The following SMAP1 variants were observed in gnomAD, a reference collection of about 807,000 sequenced individuals.
The protein encoded by SMAP1 is small ArfGAP 1, also known as stromal membrane-associated protein 1.
Under a neutral mutation model 58.5 loss-of-function variants are expected in SMAP1, and 24 were observed. That is an observed-to-expected ratio of 0.41 (90% CI 0.30 to 0.58). The LOEUF (loss-of-function observed/expected upper bound fraction) is 0.58, where lower values mean the gene tolerates loss of function less well. Among genes scored for constraint, SMAP1 ranks in the 20% least tolerant of loss-of-function variants. SMAP1 has a pLI of 0.29. For missense variants in SMAP1, 563 were observed against 566.3 expected, an observed-to-expected ratio of 0.99 and a Z score of 0.06; for synonymous variants, 216 against 196.6, an observed-to-expected ratio of 1.10 and a Z score of -0.82.
intron 1 of SMAP1, among the ~76,000 whole-genome samples, chr6:70,669,652 C>T (rs1766183233): frequency 6.6e-6 from 1 of 152,116 alleles, no homozygotes; most frequent in African/African-American, 2.4e-5. Flanking sequence ...TAGCAAAACA[C>T]TGAAAAATGG....
intron 1 of SMAP1, among the ~76,000 whole-genome samples, chr6:70,670,684 A>C (rs1431031505): frequency 2.0e-5 from 3 of 152,194 alleles, no homozygotes; most frequent in African/African-American, 7.2e-5. Context: ...CTTTTCATGT[A>C]CTGTATTTCA....
At chr6:70,757,807 A>G (rs1766563629) in intron 3 of SMAP1, among the ~76,000 whole-genome samples, 1 of 152,250 alleles carries the variant, frequency 6.6e-6, no homozygotes. Flanking sequence ...ATGCAAATCA[A>G]AACCACAATG....
chr6:70,732,673 T>G (rs957679987), intron 2 of SMAP1, among the ~76,000 whole-genome samples, 162 bp downstream of exon 2: 1 of 152,244 alleles, frequency 6.6e-6, no homozygotes, highest in Admixed American at 6.5e-5. Context: ...AGTTCACAGA[T>G]GTTTATTTCA....
chr6:70,824,123 A>G lies in SMAP1; in HGVS notation c.577-12818A>G, dbSNP rs144685769. ...GCCTGTCTCTCTTGTTTTCAGGGCT[A>G]CAGTTTGCCTTATGACTTCACTTCT... On this transcript the variant is annotated intron_variant, in intron 6 of 10. Coordinates refer to ENST00000370455, the MANE Select transcript of SMAP1 (RefSeq NM_001044305.3). Among the ~76,000 whole-genome samples the G allele has an allele frequency of 3.2e-3, 481 of 152,252 alleles. 2 individuals carry two copies. Among genetic ancestry groups the G allele is most frequent in the African/African-American group, 0.01 (417 of 41,546 alleles).
intron 1 of SMAP1, among the ~76,000 whole-genome samples, chr6:70,718,873 G>A: frequency 6.8e-6 from 1 of 146,970 alleles, no homozygotes. Flanking sequence ...GAAGACTAGA[G>A]ATATGCCACA....
intron 4 of SMAP1, among the ~76,000 whole-genome samples, chr6:70,787,616 A>C (rs977209865): frequency 2.2e-4 from 34 of 152,204 alleles, no homozygotes; most frequent in African/African-American, 5.1e-4. Flanking sequence ...AAAAACAAAC[A>C]ACCCCATCAA....
intron 3 of SMAP1, among the ~76,000 whole-genome samples, chr6:70,764,194 G>A (rs546620627): frequency 6.6e-6 from 1 of 151,632 alleles, no homozygotes; most frequent in Non-Finnish European, 1.5e-5. Flanking sequence ...TTACACATAT[G>A]AGCCACTGTT....
At chr6:70,701,543 T>A (rs2149828724) in intron 1 of SMAP1, among the ~76,000 whole-genome samples, 1 of 152,340 alleles carries the variant, frequency 6.6e-6, no homozygotes, top group South Asian at 2.1e-4. Context: ...TTCTCGCTGC[T>A]GGGATGGATG....
chr6:70,723,891 A>T (rs984621137), intron 1 of SMAP1, among the ~76,000 whole-genome samples: 2 of 151,950 alleles, frequency 1.3e-5, no homozygotes, highest in African/African-American at 4.8e-5. Flanking sequence ...AAAATAACTT[A>T]TTTTAGAACT....
chr6:70,861,698 T>G lies in SMAP1; in HGVS notation c.*1364T>G, dbSNP rs1286750096. 8 of 1,614,130 alleles carry G rather than the reference T, an allele frequency of 5.0e-6. No individual in the cohort carries two copies. The highest frequency in any genetic ancestry group is 5.9e-6 in the Non-Finnish European group (7 of 1,179,990). On this transcript the variant is annotated 3_prime_UTR_variant, in exon 11 of 11. Coordinates refer to ENST00000370455, the MANE Select transcript of SMAP1 (RefSeq NM_001044305.3). ...ATTTTCACTGTGTCCAGGTGGTACT[T>G]TGGCTCGTTGGCTAGATTAACCTTC...
chr6:70,814,069 T>G (rs146743525), intron 6 of SMAP1, among the ~76,000 whole-genome samples: 1 of 152,278 alleles, frequency 6.6e-6, no homozygotes, highest in African/African-American at 2.4e-5. Flanking sequence ...TAAAAATGAT[T>G]GCACCTATTT....
intron 6 of SMAP1, among the ~76,000 whole-genome samples, chr6:70,817,442 A>G (rs1275417436): frequency 6.6e-6 from 1 of 152,170 alleles, no homozygotes. Flanking sequence ...CAGTGATACA[A>G]AATAGAGTCT....
At chr6:70,793,962 A>G (rs1403964676) in intron 5 of SMAP1, among the ~76,000 whole-genome samples, 1 of 151,872 alleles carries the variant, frequency 6.6e-6, no homozygotes, top group Admixed American at 6.6e-5. Context: ...CGAACTCCCG[A>G]CCTCAGGTGA....
At chr6:70,763,106 C>CTTTTTT (rs35936929) in intron 3 of SMAP1, among the ~76,000 whole-genome samples, 10,883 of 84,202 alleles carry the variant, frequency 0.13, 1,627 homozygotes, top group African/African-American at 0.19. Context: ...ACAGATATTA[C>CTTTTTT]TTTTTTTTTT....
chr6:70,781,329 G>C (rs1228350802), intron 4 of SMAP1, among the ~76,000 whole-genome samples: 1 of 152,090 alleles, frequency 6.6e-6, no homozygotes, highest in Non-Finnish European at 1.5e-5. Context: ...TCCTCCTATG[G>C]ATGAGTTTCA....
rs547972251 is a variant in SMAP1, at chr6:70,766,536, A to G, written c.339-6814A>G. 3.9e-5 allele frequency among the ~76,000 whole-genome samples: 6 copies of G among 152,158 alleles called. No homozygotes were observed. In the East Asian group the frequency reaches 7.7e-4, roughly 20 times the overall value. On this transcript the variant is annotated intron_variant, in intron 3 of 10. Coordinates refer to ENST00000370455, the MANE Select transcript of SMAP1 (RefSeq NM_001044305.3). Reference sequence around the variant, plus strand: ...TTTTCGTGTGTTTTTTGGCTGCATAAATGTCTTCTTTTGAGAAGTGTCTGT... The same window carrying G: ...TTTTCGTGTGTTTTTTGGCTGCATAGATGTCTTCTTTTGAGAAGTGTCTGT...
intron 4 of SMAP1, 74 bp from the exon 5 acceptor site, chr6:70,791,615 C>T (rs2149943334): frequency 3.2e-6 from 4 of 1,262,548 alleles, no homozygotes; most frequent in Admixed American, 4.1e-5. Context: ...GGGATTTTTT[C>T]TTTCCTGTGC....
intron 6 of SMAP1, among the ~76,000 whole-genome samples, chr6:70,816,680 G>A (rs565124150): frequency 1.0e-3 from 154 of 152,206 alleles, no homozygotes; most frequent in African/African-American, 3.6e-3. Context: ...ATGTCCTGCT[G>A]TCACATATAA....
At chr6:70,702,439 T>C (rs978409925) in intron 1 of SMAP1, among the ~76,000 whole-genome samples, 1 of 152,166 alleles carries the variant, frequency 6.6e-6, no homozygotes, top group Non-Finnish European at 1.5e-5. Flanking sequence ...GCTATTGCTT[T>C]GTCTTCACAT....
Sources: gnomAD v4.1 joint callset for allele counts (sites outside exome capture counted in the v4.1 genomes callset) on GRCh38, gnomAD v4.1.1 for gene constraint, MANE v1.5 for transcripts, NCBI Gene and HGNC (gene_info 2026-07-23, HGNC 2026-07-21) for gene names.